SHC3: variants seen among roughly 807,000 people sequenced by gnomAD.
SHC3 encodes the protein SHC adaptor protein 3.
A neutral mutation model predicts 60.4 loss-of-function variants in SHC3; 15 were observed. The ratio of observed to expected loss-of-function variants is 0.25; its 90% confidence interval spans 0.17 to 0.38. The LOEUF (loss-of-function observed/expected upper bound fraction) is 0.38. Ranked by LOEUF, SHC3 falls within the 10% of genes least tolerant of loss-of-function variation. The pLI, the probability that SHC3 is intolerant of heterozygous loss-of-function variation, is 1.00. For synonymous variants in SHC3, 294 were observed against 325.9 expected, an observed-to-expected ratio of 0.90 and a Z score of 1.05; for missense variants, 677 against 786.1, an observed-to-expected ratio of 0.86 and a Z score of 1.66.
intron 2 of SHC3, among the ~76,000 whole-genome samples, chr9:89,099,998 C>A (rs571990858): frequency 6.6e-6 from 1 of 152,166 alleles, no homozygotes; most frequent in Non-Finnish European, 1.5e-5. Flanking sequence ...TGTTTCCCAT[C>A]GCACAAACTT....
intron 11 of SHC3, among the ~76,000 whole-genome samples, chr9:89,035,866 T>TATA (rs1824570473): frequency 7.2e-6 from 1 of 139,550 alleles, no homozygotes; most frequent in Non-Finnish European, 1.6e-5. Context: ...TGTGTGTGTG[T>TATA]GTGTGTGTGT....
At chr9:89,129,229 C>T (rs1437952323) in intron 1 of SHC3, among the ~76,000 whole-genome samples, 1 of 152,118 alleles carries the variant, frequency 6.6e-6, no homozygotes, top group Non-Finnish European at 1.5e-5. Context: ...AAGAAATGAA[C>T]AAAGCCTCCA....
At chr9:89,096,680 G>C (rs894117841) in intron 2 of SHC3, among the ~76,000 whole-genome samples, 3 of 152,136 alleles carry the variant, frequency 2.0e-5, no homozygotes, top group East Asian at 1.9e-4. Context: ...AAGAATGTAG[G>C]TTAGCGTAGC....
chr9:89,072,717 G>A (rs1408892075), intron 4 of SHC3, among the ~76,000 whole-genome samples: 1 of 152,136 alleles, frequency 6.6e-6, no homozygotes, highest in Non-Finnish European at 1.5e-5. Context: ...ATTTCCGGGG[G>A]TGAGAACAGA....
intron 1 of SHC3, among the ~76,000 whole-genome samples, chr9:89,175,647 T>A (rs1417551699): frequency 1.3e-5 from 2 of 152,378 alleles, no homozygotes; most frequent in African/African-American, 4.8e-5. Context: ...GGGCTTTATT[T>A]TTAATTTAGA....
rs541918984 is a variant in SHC3, at chr9:89,126,881, A to G, written c.475-14255T>C. Reference sequence around the variant, plus strand: ...TAGGACCCCATAAGCCTGCTGTTCAAGATGACCCAACAAACTGGTCAGTTA... The same window carrying G: ...TAGGACCCCATAAGCCTGCTGTTCAGGATGACCCAACAAACTGGTCAGTTA... On this transcript the variant is annotated intron_variant, in intron 1 of 11. Coordinates refer to ENST00000375835, the MANE Select transcript of SHC3 (RefSeq NM_016848.6). 3.3e-5 allele frequency among the ~76,000 whole-genome samples: 5 copies of G among 152,324 alleles called. No individual in the cohort carries two copies. In the South Asian group the frequency reaches 1.0e-3, roughly 32 times the overall value.
intron 1 of SHC3, among the ~76,000 whole-genome samples, chr9:89,124,677 G>A (rs773052172): frequency 1.1e-4 from 17 of 152,002 alleles, no homozygotes; most frequent in African/African-American, 2.2e-4. Flanking sequence ...TCACACACCG[G>A]GGCCTGTCAG....
rs184433395 is a variant in SHC3 at position 89,100,290 on chromosome 9, G to A, written c.545+12266C>T. Among the ~76,000 whole-genome samples the A allele has an allele frequency of 3.8e-4, 58 of 152,214 alleles. 1 individual carries two copies. The highest frequency in any genetic ancestry group is 1.2e-3 in the African/African-American group (49 of 41,508). On this transcript the variant is annotated intron_variant, in intron 2 of 11. Coordinates refer to ENST00000375835, the MANE Select transcript of SHC3 (RefSeq NM_016848.6). ...ACATATGCATCAAAGCTTGCAGAAC[G>A]GGTATCATTAGTTTGAAAGAGAATT...
At chr9:89,036,054 C>T (rs1824573674) in intron 11 of SHC3, among the ~76,000 whole-genome samples, 1 of 151,824 alleles carries the variant, frequency 6.6e-6, no homozygotes, top group Admixed American at 6.6e-5. Flanking sequence ...AACCATCAAG[C>T]ACAAAGGGGG....
At chr9:89,107,754 T>C (rs1343007177) in intron 2 of SHC3, among the ~76,000 whole-genome samples, 1 of 152,212 alleles carries the variant, frequency 6.6e-6, no homozygotes, top group Non-Finnish European at 1.5e-5. Flanking sequence ...TGGTAGGTAA[T>C]TCACATGACT....
intron 1 of SHC3, among the ~76,000 whole-genome samples, chr9:89,131,616 A>G (rs1329553869): frequency 6.6e-6 from 1 of 152,232 alleles, no homozygotes; most frequent in Non-Finnish European, 1.5e-5. Context: ...ACGCAAATCA[A>G]TAAATGTAAT....
chr9:89,012,141 C>G lies in SHC3; in HGVS notation c.*1306G>C, dbSNP rs925571326. 3.9e-5 allele frequency: 6 copies of G among 152,232 alleles called. No individual in the cohort carries two copies. The highest frequency in any genetic ancestry group is 1.4e-4 in the African/African-American group (6 of 41,426). 9.4% of individuals were successfully genotyped at this position (152,232 alleles called of 1,614,324 possible). A position where few individuals can be genotyped will look rare whatever the true frequency, so the allele number is the denominator to read the frequency against. On this transcript the variant is annotated 3_prime_UTR_variant, in exon 12 of 12. Coordinates refer to ENST00000375835, the MANE Select transcript of SHC3 (RefSeq NM_016848.6). ...GCTGCCAGCAAGCAAATGGATCCAT[C>G]TATTCTTTAAAGGGCATCTGTGAAA...
rs1826014118 is a variant in SHC3 at position 89,011,596 on chromosome 9, G to A, written c.*1851C>T. The A allele has an allele frequency of 1.3e-5, 2 of 152,266 alleles. No homozygotes were observed. The highest frequency in any genetic ancestry group is 6.3e-3 in the Middle Eastern group (2 of 316). 9.4% of individuals were successfully genotyped at this position (152,266 alleles called of 1,614,324 possible). A position where few individuals can be genotyped will look rare whatever the true frequency, so the allele number is the denominator to read the frequency against. On this transcript the variant is annotated 3_prime_UTR_variant, in exon 12 of 12. Transcript: ENST00000375835. ...CCAAGTCTATGCTGTCTTGGGGCAG[G>A]AGCCTGATGCAGCTGCTGCCAGCAA...
At chr9:89,110,319 T>C in intron 2 of SHC3, 3 of 984,822 alleles carry the variant, frequency 3.0e-6, no homozygotes, top group Non-Finnish European at 3.6e-6. Context: ...TATTTTTTAA[T>C]AAAAGGTGTG....
chr9:89,160,031 T>C (rs1826681136), intron 1 of SHC3, among the ~76,000 whole-genome samples: 1 of 152,210 alleles, frequency 6.6e-6, no homozygotes, highest in South Asian at 2.1e-4. Context: ...CTTCATCTAA[T>C]AGGGAAATCC....
intron 1 of SHC3, among the ~76,000 whole-genome samples, chr9:89,134,038 C>A (rs1264069066): frequency 6.6e-6 from 1 of 152,086 alleles, no homozygotes. Context: ...GTCTGGTGTC[C>A]TAGGCTCCAC....
At chr9:89,086,435 A>G (rs1825531047) in intron 2 of SHC3, among the ~76,000 whole-genome samples, 1 of 152,226 alleles carries the variant, frequency 6.6e-6, no homozygotes, top group Non-Finnish European at 1.5e-5. Context: ...GGATATTGCA[A>G]AGGATGCAGA....
intron 1 of SHC3, among the ~76,000 whole-genome samples, chr9:89,157,526 A>C (rs1177058073): frequency 6.6e-6 from 1 of 152,248 alleles, no homozygotes. Flanking sequence ...TGTTGTTTTA[A>C]GTCACTAAAT....
At chr9:89,081,580 G>A (rs1278736232) in intron 2 of SHC3, among the ~76,000 whole-genome samples, 1 of 151,822 alleles carries the variant, frequency 6.6e-6, no homozygotes, top group African/African-American at 2.4e-5. Context: ...AGAACCCTGA[G>A]TGAATGTGTG....
Sources: allele counts gnomAD v4.1 joint callset (sites outside exome capture counted in the v4.1 genomes callset), GRCh38; gene constraint gnomAD v4.1.1; transcripts MANE v1.5; gene names NCBI Gene and HGNC (gene_info 2026-07-23, HGNC 2026-07-21).